Variants in ADCY7 observed in about 807,000 individuals in gnomAD.
ADCY7 encodes the protein adenylate cyclase 7.
Under a neutral mutation model 120.6 loss-of-function variants are expected in ADCY7, and 72 were observed. The ratio of observed to expected loss-of-function variants is 0.60; its 90% confidence interval spans 0.49 to 0.73. The LOEUF is 0.73. Among genes scored for constraint, ADCY7 ranks in the 30% least tolerant of loss-of-function variants. The probability of loss-of-function intolerance (pLI) is 0.00; values close to 1 mark genes in which losing one functional copy is unlikely to be tolerated. For missense variants in ADCY7, 1,227 were observed against 1,486.0 expected, an observed-to-expected ratio of 0.83 and a Z score of 2.87; for synonymous variants, 661 against 628.0, an observed-to-expected ratio of 1.05 and a Z score of -0.78.
At chr16:50,253,883 G>C (rs1271103802) in intron 1 of ADCY7, among the ~76,000 whole-genome samples, 1 of 152,150 alleles carries the variant, frequency 6.6e-6, no homozygotes, top group Admixed American at 6.5e-5. Flanking sequence ...CAGCAGGAGG[G>C]GACCTCAGGA....
In ADCY7 at chr16:50,311,801, C is replaced by A. The variant is rs2302678; in HGVS notation, c.2448+15C>A. The A allele has an allele frequency of 1.5e-3, 81 of 53,658 alleles. No homozygotes were observed. The highest frequency in any genetic ancestry group is 0.014 in the East Asian group (78 of 5,488). The allele number at this position is 53,658 out of a possible 1,614,324, so 3.3% of individuals were successfully genotyped here. A position where few individuals can be genotyped will look rare whatever the true frequency, so the allele number is the denominator to read the frequency against. ...TCTCCAGACAGGTAAGGAGGCTGGC[C>A]CCCCCCCCCCCCCCAAGCTCTGCCC... On this transcript the variant is annotated intron_variant, in intron 20 of 25. Coordinates refer to ENST00000673801, the MANE Select transcript of ADCY7 (RefSeq NM_001114.5).
At chr16:50,285,190 G>A (rs1300619785) in intron 1 of ADCY7, among the ~76,000 whole-genome samples, 1 of 152,226 alleles carries the variant, frequency 6.6e-6, no homozygotes, top group East Asian at 1.9e-4. Context: ...TTTGTAGCCT[G>A]TCTGAGCACT....
In ADCY7 at chr16:50,281,087, A is replaced by G. The variant is rs565852712; in HGVS notation, c.-268-6825A>G. Among the ~76,000 whole-genome samples the G allele has an allele frequency of 1.3e-5, 2 of 151,936 alleles. 1 individual carries two copies. Among genetic ancestry groups the G allele is most frequent in the South Asian group, 4.2e-4 (2 of 4,808 alleles). On this transcript the variant is annotated intron_variant, in intron 1 of 25. Coordinates refer to ENST00000673801, the MANE Select transcript of ADCY7 (RefSeq NM_001114.5). ...AGGAGATGCGGTGGGGGGCCTGCCC[A>G]CTCTGCACCTGCCTCTCCCTGGACC...
intron 1 of ADCY7, among the ~76,000 whole-genome samples, chr16:50,273,318 G>C (rs1489977291): frequency 6.6e-6 from 1 of 152,204 alleles, no homozygotes; most frequent in Non-Finnish European, 1.5e-5. Flanking sequence ...CCTGCTGTTG[G>C]ATCTCAGAGC....
At chr16:50,252,102 G>C (rs992879467) in intron 1 of ADCY7, among the ~76,000 whole-genome samples, 1 of 152,140 alleles carries the variant, frequency 6.6e-6, no homozygotes, top group Admixed American at 6.5e-5. Context: ...CACGCCTTGA[G>C]GACGGTGCAG....
chr16:50,303,790 G>A (rs1195820790), intron 10 of ADCY7, among the ~76,000 whole-genome samples: 1 of 148,916 alleles, frequency 6.7e-6, no homozygotes, highest in Admixed American at 6.6e-5. Flanking sequence ...TCGCTGCCCT[G>A]GGGGTTGGCT....
At chr16:50,294,333 G>T (rs981247545) in intron 6 of ADCY7, among the ~76,000 whole-genome samples, 6 of 152,304 alleles carry the variant, frequency 3.9e-5, no homozygotes, top group Middle Eastern at 3.4e-3. Context: ...ATGGGAAAGG[G>T]GAAGGCTCCG....
chr16:50,282,927 G>C (rs1439330127), intron 1 of ADCY7, among the ~76,000 whole-genome samples: 1 of 152,064 alleles, frequency 6.6e-6, no homozygotes, highest in Admixed American at 6.6e-5. Context: ...TCATTATATT[G>C]CCCAGGCTGG....
At chr16:50,258,933 G>A (rs955032997) in intron 1 of ADCY7, among the ~76,000 whole-genome samples, 4 of 152,218 alleles carry the variant, frequency 2.6e-5, no homozygotes, top group Non-Finnish European at 2.9e-5. Flanking sequence ...AAAACCTTCC[G>A]TATTCACCCT....
intron 2 of ADCY7, among the ~76,000 whole-genome samples, 158 bp from the exon 3 acceptor site, chr16:50,290,299 A>G (rs1298588848): frequency 2.0e-5 from 3 of 152,174 alleles, no homozygotes; most frequent in Non-Finnish European, 4.4e-5. Flanking sequence ...GAGGTGACAA[A>G]GGCCAGAAGG....
intron 20 of ADCY7, 26 bp downstream of exon 20, chr16:50,311,812 C>CCA (rs1555525904): frequency 6.0e-5 from 81 of 1,341,738 alleles, no homozygotes; most frequent in Admixed American, 3.6e-5. Context: ...CCCCCCCCCC[C>CCA]CCCAAGCTCT....
At chr16:50,247,646 C>G (rs1276200798) in intron 1 of ADCY7, among the ~76,000 whole-genome samples, 1 of 148,824 alleles carries the variant, frequency 6.7e-6, no homozygotes, top group African/African-American at 2.5e-5. Flanking sequence ...TCCCAAAGTG[C>G]TGAGATTACA....
chr16:50,270,176 C>CACAT (rs2033463655), intron 1 of ADCY7, among the ~76,000 whole-genome samples: 3 of 141,192 alleles, frequency 2.1e-5, no homozygotes, highest in Non-Finnish European at 4.6e-5. Flanking sequence ...GACCCTGTCT[C>CACAT]AGATAGATAG....
intron 1 of ADCY7, among the ~76,000 whole-genome samples, chr16:50,285,982 TG>T: frequency 6.6e-6 from 1 of 152,094 alleles, no homozygotes; most frequent in Non-Finnish European, 1.5e-5. Flanking sequence ...ATGGCAAGTG[TG>T]GGGTCAGCTC....
chr16:50,299,427 T>C (rs2035569187), intron 8 of ADCY7, among the ~76,000 whole-genome samples: 1 of 152,220 alleles, frequency 6.6e-6, no homozygotes, highest in African/African-American at 2.4e-5. Context: ...GTGAAGATCC[T>C]GGAGTCAGGC....
intron 19 of ADCY7, 90 bp downstream of exon 19, chr16:50,310,970 G>C: frequency 7.5e-7 from 1 of 1,332,816 alleles, no homozygotes; most frequent in Admixed American, 2.3e-5. Context: ...CTGTGTTCAT[G>C]GGGAGTGGGC....
upstream of ADCY7, among the ~76,000 whole-genome samples, chr16:50,263,802 A>G (rs1307167762): frequency 6.6e-6 from 1 of 150,986 alleles, no homozygotes; most frequent in Non-Finnish European, 1.5e-5. Context: ...TTGGCCCCCG[A>G]TATCTCCCCC....
At chr16:50,308,057 T>C (rs1004825639) in intron 15 of ADCY7, among the ~76,000 whole-genome samples, 1 of 152,126 alleles carries the variant, frequency 6.6e-6, no homozygotes, top group African/African-American at 2.4e-5. Flanking sequence ...TACAGTTTTT[T>C]CTGAGTCTAA....
intron 1 of ADCY7, among the ~76,000 whole-genome samples, chr16:50,276,530 G>C (rs2033903552): frequency 1.3e-5 from 2 of 152,202 alleles, no homozygotes; most frequent in Non-Finnish European, 2.9e-5. Context: ...TTCTCCTTTT[G>C]TTAAAATGAG....
Sources: gnomAD v4.1 joint callset for allele counts (sites outside exome capture counted in the v4.1 genomes callset) on GRCh38, gnomAD v4.1.1 for gene constraint, MANE v1.5 for transcripts, NCBI Gene and HGNC (gene_info 2026-07-23, HGNC 2026-07-21) for gene names.